GLI2: variants seen among roughly 807,000 people sequenced by gnomAD.
GLI2 encodes transcription activator GLI2.
A neutral mutation model predicts 78.9 loss-of-function variants in GLI2; 22 were observed. The ratio of observed to expected loss-of-function variants is 0.28; its 90% CI spans 0.20 to 0.40. The LOEUF (loss-of-function observed/expected upper bound fraction) is 0.40. Among genes scored for constraint, GLI2 ranks in the 10% least tolerant of loss-of-function variants. The pLI is 1.00. For missense variants in GLI2, 2,097 were observed against 2,213.2 expected, an observed-to-expected ratio of 0.95 and a Z score of 1.05; for synonymous variants, 974 against 963.7, an observed-to-expected ratio of 1.01 and a Z score of -0.20.
At chr2:120,804,175 T>C (rs1471645965) in intron 2 of GLI2, among the ~76,000 whole-genome samples, 1 of 152,200 alleles carries the variant, frequency 6.6e-6, no homozygotes, top group Non-Finnish European at 1.5e-5. Context: ...TTTCATTGTG[T>C]TGGCCAGAGC....
In GLI2 at chr2:120,989,259, C is replaced by G; in HGVS notation, c.3294C>G (p.Ser1098=). ...AGCGCAGGATGGTGGCTGCGGACTC[C>G]AACGTGGGCCCCTCCGCCCCTATGC... The part of the protein sequence containing the change: ...HGQRRMVAAD[S]NVGPSAPMLG... Residue 1098 remains serine, a synonymous_variant, in exon 14 of 14, where the codon TCC becomes TCG. Transcript: ENST00000361492. 6.2e-7 allele frequency: 1 copy of G among 1,613,146 alleles called. No individual in the cohort carries two copies. Among genetic ancestry groups the G allele is most frequent in the Non-Finnish European group, 8.5e-7 (1 of 1,180,030 alleles).
chr2:120,882,302 A>C (rs971030368), intron 2 of GLI2, among the ~76,000 whole-genome samples: 1 of 152,192 alleles, frequency 6.6e-6, no homozygotes, highest in South Asian at 2.1e-4. Context: ...GCAGCTCACC[A>C]CAGGGAAGGA....
At chr2:120,954,708 C>A (rs1681156020) in intron 4 of GLI2, among the ~76,000 whole-genome samples, 1 of 152,220 alleles carries the variant, frequency 6.6e-6, no homozygotes, top group African/African-American at 2.4e-5. Flanking sequence ...CTGGGCAGGG[C>A]TGACCTCAGG....
At chr2:120,806,884 G>A (rs1684980243) in intron 2 of GLI2, among the ~76,000 whole-genome samples, 1 of 152,342 alleles carries the variant, frequency 6.6e-6, no homozygotes, top group East Asian at 1.9e-4. Context: ...AGGGGCCATG[G>A]CCCTGTCCCC....
chr2:120,909,306 C>T (rs1011447954), intron 2 of GLI2, among the ~76,000 whole-genome samples: 1 of 152,078 alleles, frequency 6.6e-6, no homozygotes, highest in African/African-American at 2.4e-5. Context: ...GCCCTACTGT[C>T]TCCCTCCCCA....
chr2:120,912,863 C>A (rs13406368), intron 2 of GLI2, among the ~76,000 whole-genome samples: 4,673 of 152,118 alleles, frequency 0.031, 234 homozygotes, highest in African/African-American at 0.11. Context: ...CAGCTCTGCG[C>A]GGAGAGGTCA....
At chr2:120,811,288 A>AAGC (rs1371526279) in intron 2 of GLI2, among the ~76,000 whole-genome samples, 13 of 152,130 alleles carry the variant, frequency 8.5e-5, no homozygotes, top group Admixed American at 7.2e-4. Flanking sequence ...GGCCCTTCAG[A>AAGC]AGCAGCAAGG....
At chr2:120,906,694 A>G (rs1461667071) in intron 2 of GLI2, among the ~76,000 whole-genome samples, 2 of 151,056 alleles carry the variant, frequency 1.3e-5, no homozygotes, top group Non-Finnish European at 2.9e-5. Flanking sequence ...GTTCCACAGC[A>G]TCTCAAACTC....
chr2:120,897,644 T>A (rs1024175959), intron 2 of GLI2, among the ~76,000 whole-genome samples: 2 of 151,820 alleles, frequency 1.3e-5, no homozygotes, highest in African/African-American at 2.4e-5. Context: ...TTGTGTAATT[T>A]TCTTAGATAC....
intron 2 of GLI2, among the ~76,000 whole-genome samples, chr2:120,868,602 T>C (rs1481297038): frequency 2.0e-5 from 3 of 152,156 alleles, no homozygotes; most frequent in Non-Finnish European, 4.4e-5. Flanking sequence ...ATTTTCCCTT[T>C]GCCATTCAGA....
rs771954064 is a variant in GLI2 at position 120,990,938 on chromosome 2, C to T, written c.*263C>T. On this transcript the variant is annotated 3_prime_UTR_variant, in exon 14 of 14. Transcript: ENST00000361492. ...AACTCATTTACACAGTGCTTTCCAG[C>T]CTTTGGTGCTTACAGGACCGCGCTG... The T allele has an allele frequency of 3.9e-6, 2 of 508,126 alleles. No individual in the cohort carries two copies. Among genetic ancestry groups the T allele is most frequent in the Non-Finnish European group, 7.0e-6 (2 of 285,816 alleles). The allele number at this position is 508,126 out of a possible 1,614,324, so 31.5% of individuals were successfully genotyped here.
chr2:120,946,863 C>T (rs958704993), intron 3 of GLI2, among the ~76,000 whole-genome samples: 1 of 152,230 alleles, frequency 6.6e-6, no homozygotes, highest in African/African-American at 2.4e-5. Context: ...GGGAAGCGCC[C>T]TCAGGCCCCA....
At chr2:120,974,793 T>A (rs1682367252) in intron 8 of GLI2, 182 bp from the exon 9 acceptor site, 1 of 784,664 alleles carries the variant, frequency 1.3e-6, no homozygotes, top group African/African-American at 1.7e-5. Context: ...TGTGTGTGTG[T>A]GTGTGTGTGT....
intron 5 of GLI2, among the ~76,000 whole-genome samples, chr2:120,965,493 G>T (rs1278534320): frequency 2.1e-5 from 3 of 145,642 alleles, no homozygotes; most frequent in Non-Finnish European, 4.5e-5. Flanking sequence ...AGATGCTGCG[G>T]CAGAGGGGCA....
intron 1 of GLI2, among the ~76,000 whole-genome samples, chr2:120,793,721 T>G (rs1286846513): frequency 6.6e-6 from 1 of 152,192 alleles, no homozygotes; most frequent in Non-Finnish European, 1.5e-5. Context: ...GGTGCATCTG[T>G]GTGCACATCC....
chr2:120,761,312 A>G (rs1003560350), intron 1 of GLI2, among the ~76,000 whole-genome samples: 8 of 152,164 alleles, frequency 5.3e-5, no homozygotes, highest in African/African-American at 1.9e-4. Context: ...GAAAGCAGCC[A>G]TGGGCTTGTT....
rs2105086810 is a variant in GLI2 at position 120,988,541 on chromosome 2, C to G, written c.2576C>G (p.Ser859Cys). 1 of 1,504,312 alleles carries G rather than the reference C, an allele frequency of 6.6e-7. No individual in the cohort carries two copies. The highest frequency in any genetic ancestry group is 1.7e-4 in the Middle Eastern group (1 of 5,858). The allele number at this position is 1,504,312 out of a possible 1,614,324, so 93.2% of individuals were successfully genotyped here. Residue 859 changes from serine to cysteine, a missense_variant, in exon 14 of 14, where the codon TCC becomes TGC. This residue lies in a region of GLI2 where 1,290 missense variants were observed against 1,261.7 expected (regional missense o/e 1.02). Coordinates refer to ENST00000361492, the MANE Select transcript of GLI2 (RefSeq NM_001374353.1). ...SSEASQCSGG[S>C]GLLNLTPAQQ... is the part of the protein sequence containing the mutation. ...GAGGCCAGCCAGTGCAGCGGCGGCTCCGGGCTGCTCAACCTCACGCCGGCG... is the reference window on the plus strand; with the variant it reads ...GAGGCCAGCCAGTGCAGCGGCGGCTGCGGGCTGCTCAACCTCACGCCGGCG...
chr2:120,751,042 T>C (rs1437874882), intron 1 of GLI2, among the ~76,000 whole-genome samples: 1 of 152,192 alleles, frequency 6.6e-6, no homozygotes, highest in East Asian at 1.9e-4. Flanking sequence ...GTGGAGACTG[T>C]TGCCGGTTGG....
intron 2 of GLI2, among the ~76,000 whole-genome samples, chr2:120,852,775 C>G (rs1687472065): frequency 1.3e-5 from 2 of 152,198 alleles, no homozygotes; most frequent in Admixed American, 1.3e-4. Flanking sequence ...TACTGAGCAC[C>G]CCGTATGCCT....
Sources: allele counts gnomAD v4.1 joint callset (sites outside exome capture counted in the v4.1 genomes callset), GRCh38; gene constraint gnomAD v4.1.1; regional missense constraint gnomAD v4.1.1; transcripts MANE v1.5; gene names NCBI Gene and HGNC (gene_info 2026-07-23, HGNC 2026-07-21).